The following ZNF423 variants were observed in gnomAD, a reference collection of about 807,000 sequenced individuals.
ZNF423 encodes zinc finger protein 423.
A neutral mutation model predicts 95.8 loss-of-function variants in ZNF423; 12 were observed. The ratio of observed to expected loss-of-function variants is 0.13; its 90% CI spans 0.08 to 0.20. ZNF423 has a LOEUF of 0.20. ZNF423 is among the 10% of genes least tolerant of loss of function. The pLI, the probability that ZNF423 is intolerant of heterozygous loss-of-function variation, is 1.00. For missense variants in ZNF423, 1,316 were observed against 1,737.1 expected (o/e 0.76, Z 4.31); for synonymous variants, 749 against 711.9 (o/e 1.05, Z -0.83).
chr16:49,814,400 G>A (rs562846030), intron 1 of ZNF423, among the ~76,000 whole-genome samples: 2 of 150,934 alleles, frequency 1.3e-5, no homozygotes, highest in Admixed American at 6.6e-5. Context: ...TGCCAGGATA[G>A]ACTGCACCTG....
chr16:49,593,532 C>A (rs11646854), intron 5 of ZNF423, among the ~76,000 whole-genome samples: 75,598 of 151,956 alleles, frequency 0.5, 20,192 homozygotes, highest in Admixed American at 0.62. Flanking sequence ...TGAAGTCTGG[C>A]GGACAGGGTT....
rs370226030 is a variant in ZNF423 at position 49,683,745 on chromosome 16, A to G, written c.302-44871T>C. 6.6e-5 allele frequency among the ~76,000 whole-genome samples: 10 copies of G among 152,300 alleles called. No homozygotes were observed. The South Asian group carries it at 1.2e-3, about 19-fold the overall frequency. On this transcript the variant is annotated intron_variant, in intron 3 of 7. Coordinates refer to ENST00000563137, the MANE Select transcript of ZNF423 (RefSeq NM_001379286.1). Reference sequence around the variant, plus strand: ...AGAGGGCATTAAAAGCAGCTACAAGACAGCCTGGCCAACACTGTGAGACTC... The same window carrying G: ...AGAGGGCATTAAAAGCAGCTACAAGGCAGCCTGGCCAACACTGTGAGACTC...
intron 5 of ZNF423, among the ~76,000 whole-genome samples, chr16:49,566,455 G>C (rs1970193507): frequency 6.6e-6 from 1 of 152,180 alleles, no homozygotes; most frequent in Non-Finnish European, 1.5e-5. Flanking sequence ...CTGGCTGGGA[G>C]AGGAGGGGCT....
At chr16:49,720,558 G>C (rs2032835786) in intron 3 of ZNF423, among the ~76,000 whole-genome samples, 1 of 152,206 alleles carries the variant, frequency 6.6e-6, no homozygotes, top group African/African-American at 2.4e-5. Context: ...TGAGAGACTG[G>C]TTCTGCCATT....
intron 5 of ZNF423, among the ~76,000 whole-genome samples, chr16:49,614,653 C>T (rs558016297): frequency 1.3e-5 from 2 of 152,232 alleles, no homozygotes; most frequent in African/African-American, 4.8e-5. Context: ...ATGTCAATAT[C>T]CTGGATGTGA....
chr16:49,596,207 C>T (rs1029575172), intron 5 of ZNF423, among the ~76,000 whole-genome samples: 9 of 152,142 alleles, frequency 5.9e-5, no homozygotes, highest in Admixed American at 2.6e-4. Flanking sequence ...CGCACAAAGC[C>T]GCAAACAGCT....
In ZNF423 at chr16:49,822,064, G is replaced by A. The variant is rs116304374; in HGVS notation, c.41-32518C>T. Reference sequence around the variant, plus strand: ...AGAAGAAACACTCCAGCAGTCCCTGGTTGGCTGGTGAATTCCAACAGCACG... The same window carrying A: ...AGAAGAAACACTCCAGCAGTCCCTGATTGGCTGGTGAATTCCAACAGCACG... On this transcript the variant is annotated intron_variant, in intron 1 of 7. Transcript: ENST00000563137. Among the ~76,000 whole-genome samples, 812 of 152,298 alleles carry A rather than the reference G, an allele frequency of 5.3e-3. 8 individuals carry two copies. The highest frequency in any genetic ancestry group is 0.018 in the African/African-American group (764 of 41,560).
chr16:49,683,386 T>C (rs1399214682), intron 3 of ZNF423, among the ~76,000 whole-genome samples: 1 of 152,192 alleles, frequency 6.6e-6, no homozygotes, highest in African/African-American at 2.4e-5. Context: ...ATTCTTATAC[T>C]TAATATAAGT....
chr16:49,532,943 CGAATGCCCCATCTGGGTA>C (rs924720909), intron 5 of ZNF423, among the ~76,000 whole-genome samples: 1 of 152,116 alleles, frequency 6.6e-6, no homozygotes, highest in Non-Finnish European at 1.5e-5. Context: ...AGGGGGAGAC[CGAATGCCCCATCTGGGTA>C]GAATGCCAAT....
At chr16:49,798,817 C>T (rs940421389) in intron 1 of ZNF423, among the ~76,000 whole-genome samples, 2 of 152,130 alleles carry the variant, frequency 1.3e-5, no homozygotes, top group African/African-American at 2.4e-5. Flanking sequence ...AAACTGTTGC[C>T]CTGGAGAATT....
intron 5 of ZNF423, among the ~76,000 whole-genome samples, chr16:49,616,018 T>C (rs1403515253): frequency 2.0e-5 from 3 of 152,200 alleles, no homozygotes; most frequent in Non-Finnish European, 4.4e-5. Context: ...CCCATCACTA[T>C]TGGACACAAT....
At chr16:49,522,627 G>A (rs376883702) in intron 7 of ZNF423, among the ~76,000 whole-genome samples, 1 of 152,142 alleles carries the variant, frequency 6.6e-6, no homozygotes, top group East Asian at 1.9e-4. Context: ...CTATGTGTAT[G>A]TGTGATATAT....
chr16:49,792,699 C>A (rs2034435476), intron 1 of ZNF423, among the ~76,000 whole-genome samples: 1 of 152,156 alleles, frequency 6.6e-6, no homozygotes, highest in African/African-American at 2.4e-5. Flanking sequence ...TAGAAGCACA[C>A]CTTCAAAGGT....
At chr16:49,687,936 G>A (rs1002939720) in intron 3 of ZNF423, among the ~76,000 whole-genome samples, 10 of 152,090 alleles carry the variant, frequency 6.6e-5, no homozygotes, top group African/African-American at 2.4e-4. Context: ...GGACACGGCT[G>A]CATCTTGGAA....
intron 2 of ZNF423, among the ~76,000 whole-genome samples, chr16:49,769,000 AG>A (rs1006848780): frequency 9.9e-5 from 15 of 152,184 alleles, no homozygotes; most frequent in African/African-American, 3.6e-4. Flanking sequence ...AAAACCTTGC[AG>A]GCTTCCTCAG....
intron 2 of ZNF423, among the ~76,000 whole-genome samples, chr16:49,753,462 G>C (rs2033668560): frequency 6.6e-6 from 1 of 151,014 alleles, no homozygotes; most frequent in Admixed American, 6.6e-5. Flanking sequence ...AATTAGCCAG[G>C]CGTGGTGATG....
chr16:49,520,669 C>T (rs531014676), intron 7 of ZNF423, among the ~76,000 whole-genome samples: 2 of 152,338 alleles, frequency 1.3e-5, no homozygotes, highest in Admixed American at 6.5e-5. Context: ...AGAACTCCAG[C>T]TGGCCTTGCC....
intron 1 of ZNF423, among the ~76,000 whole-genome samples, chr16:49,818,958 A>G (rs934463785): frequency 5.9e-5 from 9 of 152,148 alleles, no homozygotes; most frequent in African/African-American, 2.2e-4. Flanking sequence ...AATCAAATTT[A>G]AAATGGCAGC....
At chr16:49,830,867 G>C (rs1402872513) in intron 1 of ZNF423, among the ~76,000 whole-genome samples, 1 of 152,114 alleles carries the variant, frequency 6.6e-6, no homozygotes, top group Non-Finnish European at 1.5e-5. Context: ...AGCCCCTCAT[G>C]CTTGAGCTTT....
Sources: allele counts gnomAD v4.1 joint callset (sites outside exome capture counted in the v4.1 genomes callset), GRCh38; gene constraint gnomAD v4.1.1; transcripts MANE v1.5; gene names NCBI Gene and HGNC (gene_info 2026-07-23, HGNC 2026-07-21).